UBR3: variants seen among roughly 807,000 people sequenced by gnomAD.
UBR3 encodes E3 ubiquitin-protein ligase UBR3.
A neutral mutation model predicts 243.2 loss-of-function variants in UBR3; 85 were observed. The observed-to-expected ratio is 0.35, with a 90% CI of 0.29 to 0.42. UBR3 has a LOEUF of 0.42. Ranked by LOEUF, UBR3 falls within the 10% of genes least tolerant of loss-of-function variation. The pLI, the probability that UBR3 is intolerant of heterozygous loss-of-function variation, is 1.00. For missense variants in UBR3, 1,686 were observed against 2,300.8 expected (o/e 0.73, Z 5.47); for synonymous variants, 748 against 799.8 (o/e 0.94, Z 1.09).
At position 170,039,364 on chromosome 2, in the gene UBR3, T is replaced by C. The variant is rs150935088; in HGVS notation, c.4557-1518T>C. ...CTATTTCTGTGGGGAATTTGAATAA[T>C]AGAAATGGTGTGACCCCTACACTTT... is the stretch of plus-strand genomic sequence containing the variant. On this transcript the variant is annotated intron_variant, in intron 31 of 38. Coordinates refer to ENST00000272793, the MANE Select transcript of UBR3 (RefSeq NM_172070.4). Among the ~76,000 whole-genome samples, 44 of 152,152 alleles carry C rather than the reference T, an allele frequency of 2.9e-4. 1 individual carries two copies. In the East Asian group the frequency reaches 8.1e-3, roughly 28 times the overall value.
chr2:169,928,744 T>C lies in UBR3; in HGVS notation c.2442T>C (p.Asn814=). The C allele has an allele frequency of 6.7e-7, 1 of 1,492,746 alleles. No homozygotes were observed. Among genetic ancestry groups the C allele is most frequent in the Admixed American group, 2.0e-5 (1 of 49,588 alleles). 92.5% of individuals were successfully genotyped at this position (1,492,746 alleles called of 1,614,324 possible). A position where few individuals can be genotyped will look rare whatever the true frequency, so the allele number is the denominator to read the frequency against. ...SLLDLIPENP[N]PKSGIIPGSY... ...TATATCATATTCCAGAAAATCCTAATCCCAAAAGTGGCATTATTCCAGGCA... is the reference window on the plus strand; with the variant it reads ...TATATCATATTCCAGAAAATCCTAACCCCAAAAGTGGCATTATTCCAGGCA... The change falls in exon 18 of 39, where the codon AAT becomes AAC. Residue 814 remains asparagine, a synonymous_variant. Coordinates refer to ENST00000272793, the MANE Select transcript of UBR3 (RefSeq NM_172070.4).
chr2:169,865,126 C>A (rs2083215634), intron 1 of UBR3, among the ~76,000 whole-genome samples: 1 of 151,620 alleles, frequency 6.6e-6, no homozygotes, highest in East Asian at 1.9e-4. Flanking sequence ...TTAATTAAGT[C>A]TTTGTTTCAG....
intron 1 of UBR3, among the ~76,000 whole-genome samples, chr2:169,841,444 C>G (rs985858118): frequency 2.0e-5 from 3 of 152,226 alleles, no homozygotes; most frequent in African/African-American, 7.2e-5. Flanking sequence ...TTTGAGGAGC[C>G]CTTTAGCCCC....
At chr2:169,978,291 AG>A (rs1489830904) in intron 24 of UBR3, among the ~76,000 whole-genome samples, 2 of 151,848 alleles carry the variant, frequency 1.3e-5, no homozygotes, top group Non-Finnish European at 2.9e-5. Context: ...AGGTGCTTGG[AG>A]GGGCTGTGGG....
chr2:169,909,526 G>C (rs539424083), intron 10 of UBR3, among the ~76,000 whole-genome samples: 1 of 152,246 alleles, frequency 6.6e-6, no homozygotes, highest in South Asian at 2.1e-4. Context: ...GGGAGATTTT[G>C]ACTAAAGGGT....
chr2:169,881,768 TATATA>T (rs1439756830), intron 5 of UBR3, among the ~76,000 whole-genome samples: 11 of 139,576 alleles, frequency 7.9e-5, no homozygotes, highest in Admixed American at 2.3e-4. Context: ...TAATAAATTA[TATATA>T]ATATAATATA....
intron 18 of UBR3, among the ~76,000 whole-genome samples, chr2:169,931,421 C>T (rs1312670675): frequency 6.7e-6 from 1 of 148,330 alleles, no homozygotes; most frequent in Non-Finnish European, 1.5e-5. Flanking sequence ...TTGTGAAGGA[C>T]TGTCTTCAGA....
chr2:170,077,433 G>A (rs2091832787), intron 36 of UBR3: 3 of 1,487,540 alleles, frequency 2.0e-6, no homozygotes, highest in Non-Finnish European at 2.7e-6. Context: ...GGCAAAAGGT[G>A]GCTTTCAGTT....
chr2:169,994,911 G>T (rs2089423739), intron 26 of UBR3, among the ~76,000 whole-genome samples: 1 of 152,066 alleles, frequency 6.6e-6, no homozygotes, highest in African/African-American at 2.4e-5. Flanking sequence ...TGTCTAAATT[G>T]TCCTGGTATG....
intron 32 of UBR3, among the ~76,000 whole-genome samples, chr2:170,049,544 G>A (rs2091168840): frequency 6.6e-6 from 1 of 151,868 alleles, no homozygotes; most frequent in South Asian, 2.1e-4. Context: ...CTGAGGATAA[G>A]GGGGGGATTA....
chr2:169,898,762 C>T (rs532554898), intron 8 of UBR3, among the ~76,000 whole-genome samples: 10 of 140,064 alleles, frequency 7.1e-5, no homozygotes, highest in Non-Finnish European at 1.2e-4. Context: ...GGTGCAGTGG[C>T]GCGATCTCAG....
At chr2:169,994,835 G>A (rs993390670) in intron 26 of UBR3, among the ~76,000 whole-genome samples, 2 of 152,158 alleles carry the variant, frequency 1.3e-5, no homozygotes, top group African/African-American at 4.8e-5. Flanking sequence ...GTCTTTATGG[G>A]TTTTGTCTGG....
chr2:169,871,329 A>G (rs1245355690), intron 1 of UBR3, among the ~76,000 whole-genome samples: 2 of 151,774 alleles, frequency 1.3e-5, no homozygotes, highest in African/African-American at 4.8e-5. Flanking sequence ...ATAGTGGCAC[A>G]TGCCTGAGGC....
chr2:170,064,473 A>T (rs1397917230), intron 35 of UBR3, among the ~76,000 whole-genome samples: 1 of 151,912 alleles, frequency 6.6e-6, no homozygotes, highest in Non-Finnish European at 1.5e-5. Context: ...ATTTTCTTCT[A>T]TTATTTTCAT....
rs2105465048 is a variant in UBR3 at position 170,083,250 on chromosome 2, T to C, written c.*1407T>C. ...ATTACAAGAGTATAAAAATGGACAT[T>C]AAATCATGGCCTTGCATTAAAATAT... On this transcript the variant is annotated 3_prime_UTR_variant, in exon 39 of 39. Coordinates refer to ENST00000272793, the MANE Select transcript of UBR3 (RefSeq NM_172070.4). 6.5e-6 allele frequency: 1 copy of C among 152,688 alleles called. No individual in the cohort carries two copies. The highest frequency in any genetic ancestry group is 2.4e-5 in the African/African-American group (1 of 41,568). The allele number at this position is 152,688 out of a possible 1,614,324, so 9.5% of individuals were successfully genotyped here. A position where few individuals can be genotyped will look rare whatever the true frequency, so the allele number is the denominator to read the frequency against.
chr2:169,908,671 G>GT (rs2085114976), intron 10 of UBR3, among the ~76,000 whole-genome samples: 1 of 152,138 alleles, frequency 6.6e-6, no homozygotes. Context: ...AGAGTAATGA[G>GT]TATGAGGACT....
chr2:170,066,977 A>AT (rs2091584481), intron 35 of UBR3, among the ~76,000 whole-genome samples: 1 of 148,394 alleles, frequency 6.7e-6, no homozygotes, highest in Non-Finnish European at 1.5e-5. Context: ...AATAATAATA[A>AT]TAATAATAAT....
At chr2:170,067,412 A>C (rs922550714) in intron 35 of UBR3, among the ~76,000 whole-genome samples, 1 of 152,212 alleles carries the variant, frequency 6.6e-6, no homozygotes, top group Non-Finnish European at 1.5e-5. Flanking sequence ...ACAAATCTAC[A>C]TTATATTTGG....
rs553749802 is a variant in UBR3 at position 169,876,145 on chromosome 2, G to T, written c.844+196G>T. On this transcript the variant is annotated intron_variant, in intron 3 of 38. Coordinates refer to ENST00000272793, the MANE Select transcript of UBR3 (RefSeq NM_172070.4). ...GTCGCCCAGGCTGGAGTGCAGTGGCGCAATCTCGGCTCACTGCAAGCTCCG... is the reference window on the plus strand; with the variant it reads ...GTCGCCCAGGCTGGAGTGCAGTGGCTCAATCTCGGCTCACTGCAAGCTCCG... 2.6e-3 allele frequency among the ~76,000 whole-genome samples: 394 copies of T among 149,888 alleles called. 3 individuals carry two copies. The highest frequency in any genetic ancestry group is 4.6e-3 in the Non-Finnish European group (311 of 67,676).
Sources: allele counts gnomAD v4.1 joint callset (sites outside exome capture counted in the v4.1 genomes callset), GRCh38; gene constraint gnomAD v4.1.1; transcripts MANE v1.5; gene names NCBI Gene and HGNC (gene_info 2026-07-23, HGNC 2026-07-21).